Variants in TCF4 observed in about 807,000 individuals in gnomAD.
TCF4 encodes the protein transcription factor 4.
TCF4 carries 3 observed loss-of-function variants against 82.1 expected under a neutral mutation model. The observed-to-expected ratio is 0.04, with a 90% CI of 0.02 to 0.09. The LOEUF is 0.09. Ranked by LOEUF, TCF4 falls within the 10% of genes least tolerant of loss-of-function variation. The probability of loss-of-function intolerance (pLI) is 1.00; values close to 1 mark genes in which losing one functional copy is unlikely to be tolerated. For synonymous variants in TCF4, 276 were observed against 309.6 expected (o/e 0.89, Z 1.14); for missense variants, 518 against 852.7 (o/e 0.61, Z 4.89).
At chr18:55,364,291 C>T (rs1287196337) in intron 6 of TCF4, among the ~76,000 whole-genome samples, 1 of 151,966 alleles carries the variant, frequency 6.6e-6, no homozygotes, top group Non-Finnish European at 1.5e-5. Context: ...TTTACAAAAG[C>T]CTAGCAGGAG....
intron 11 of TCF4, 198 bp downstream of exon 11, chr18:55,269,633 A>T: frequency 2.9e-6 from 2 of 696,244 alleles, no homozygotes; most frequent in African/African-American, 1.8e-5. Context: ...GCTAAATTTC[A>T]GTGTCTTGTG....
chr18:55,372,430 T>C (rs973308929), intron 6 of TCF4, among the ~76,000 whole-genome samples: 2 of 151,942 alleles, frequency 1.3e-5, no homozygotes, highest in South Asian at 2.1e-4. Context: ...GGGTGATTAA[T>C]TGGGGTGCTA....
chr18:55,251,903 TTTG>T (rs1329460518), intron 15 of TCF4, among the ~76,000 whole-genome samples: 1 of 151,880 alleles, frequency 6.6e-6, no homozygotes, highest in Non-Finnish European at 1.5e-5. Flanking sequence ...CTTGAATTTT[TTTG>T]TTGTTGTGGG....
At chr18:55,557,729 G>A (rs2097316730) in intron 3 of TCF4, among the ~76,000 whole-genome samples, 1 of 151,998 alleles carries the variant, frequency 6.6e-6, no homozygotes. Flanking sequence ...ATTCTTTACT[G>A]CCTTCCCCAC....
intron 8 of TCF4, among the ~76,000 whole-genome samples, chr18:55,334,165 A>G (rs1487203382): frequency 6.6e-6 from 1 of 152,196 alleles, no homozygotes; most frequent in East Asian, 1.9e-4. Flanking sequence ...TAAACTGCTA[A>G]TTCAAATAAA....
At chr18:55,465,929 T>C (rs539214802) in intron 3 of TCF4, among the ~76,000 whole-genome samples, 2 of 152,216 alleles carry the variant, frequency 1.3e-5, no homozygotes, top group East Asian at 1.9e-4. Flanking sequence ...TGAATCCCTA[T>C]AAGTACCATA....
At chr18:55,412,324 G>A (rs916458135) in intron 5 of TCF4, among the ~76,000 whole-genome samples, 12 of 151,222 alleles carry the variant, frequency 7.9e-5, no homozygotes, top group Admixed American at 5.3e-4. Flanking sequence ...GCCTTTAAAT[G>A]TGCTCATCTC....
At chr18:55,399,874 TCTCTCTCACACACACACACACACACACA>T (rs1179444302) in intron 6 of TCF4, among the ~76,000 whole-genome samples, 3 of 130,038 alleles carry the variant, frequency 2.3e-5, no homozygotes, top group African/African-American at 6.4e-5. Context: ...TCTCTCTCTC[TCTCTCTCACACACACACACACACACACA>T]CACACACACA....
intron 3 of TCF4, among the ~76,000 whole-genome samples, chr18:55,477,808 C>T (rs2096327872): frequency 1.3e-5 from 2 of 152,160 alleles, no homozygotes; most frequent in Non-Finnish European, 2.9e-5. Flanking sequence ...GAGAACGCAT[C>T]AACTGATGAT....
At chr18:55,397,725 C>A (rs943900098) in intron 6 of TCF4, among the ~76,000 whole-genome samples, 1 of 151,798 alleles carries the variant, frequency 6.6e-6, no homozygotes, top group African/African-American at 2.4e-5. Flanking sequence ...CTGTTAATCT[C>A]TTTAGGGATA....
At chr18:55,575,895 G>A (rs768466232) in intron 3 of TCF4, among the ~76,000 whole-genome samples, 3 of 152,056 alleles carry the variant, frequency 2.0e-5, no homozygotes, top group Admixed American at 6.6e-5. Context: ...CGGTATCTCC[G>A]GAAAAGTTTT....
At chr18:55,488,963 C>T (rs2096546951) in intron 3 of TCF4, among the ~76,000 whole-genome samples, 1 of 152,180 alleles carries the variant, frequency 6.6e-6, no homozygotes, top group Non-Finnish European at 1.5e-5. Context: ...CCCACAATTT[C>T]CTGTCACCTA....
intron 3 of TCF4, among the ~76,000 whole-genome samples, chr18:55,524,509 C>A (rs1026024846): frequency 3.3e-5 from 5 of 152,062 alleles, no homozygotes; most frequent in Non-Finnish European, 7.4e-5. Context: ...TTTAAATGAG[C>A]CTTTCATGGT....
intron 10 of TCF4, among the ~76,000 whole-genome samples, chr18:55,272,569 T>C (rs1471082180): frequency 1.3e-5 from 2 of 152,162 alleles, no homozygotes; most frequent in African/African-American, 4.8e-5. Flanking sequence ...CCATTACTGA[T>C]ATACTGGTTG....
chr18:55,288,834 A>G (rs925571969), intron 8 of TCF4, among the ~76,000 whole-genome samples: 2 of 152,240 alleles, frequency 1.3e-5, no homozygotes, highest in East Asian at 3.8e-4. Flanking sequence ...GAGTTACACT[A>G]GGGTTTAGTG....
intron 8 of TCF4, among the ~76,000 whole-genome samples, chr18:55,311,292 A>G (rs2072341410): frequency 6.6e-6 from 1 of 152,236 alleles, no homozygotes; most frequent in African/African-American, 2.4e-5. Flanking sequence ...CTTAAGGTCC[A>G]GATATATCAC....
chr18:55,368,184 G>A (rs919349909), intron 6 of TCF4, among the ~76,000 whole-genome samples: 1 of 152,178 alleles, frequency 6.6e-6, no homozygotes. Context: ...TCAGGAATTC[G>A]AGACCAGCCT....
intron 8 of TCF4, among the ~76,000 whole-genome samples, chr18:55,349,344 CTT>C (rs1223585892): frequency 1.3e-5 from 2 of 152,044 alleles, no homozygotes; most frequent in Admixed American, 6.6e-5. Context: ...TTAATCTAAT[CTT>C]AGCACATTTG....
intron 3 of TCF4, among the ~76,000 whole-genome samples, chr18:55,464,600 G>GA (rs757831963): frequency 1.4e-4 from 22 of 152,130 alleles, no homozygotes; most frequent in Non-Finnish European, 2.8e-4. Flanking sequence ...GAAGACACCA[G>GA]ACATGCAACA....
Sources: allele counts gnomAD v4.1 joint callset (sites outside exome capture counted in the v4.1 genomes callset), GRCh38; gene constraint gnomAD v4.1.1; transcripts MANE v1.5; gene names NCBI Gene and HGNC (gene_info 2026-07-23, HGNC 2026-07-21).